The following SPMAP2 variants were observed in gnomAD, a reference collection of about 807,000 sequenced individuals.
The protein encoded by SPMAP2 is Theg homolog.
At chr19:372,966 G>A in the SPMAP2 span, among the ~76,000 whole-genome samples, 760 of 152,310 alleles carry the variant, frequency 5.0e-3, 5 homozygotes, top group African/African-American at 0.017. Flanking sequence ...GCCCAGCACC[G>A]TGGCTCCTCA....
chr19:371,166 C>T, the SPMAP2 span: 2 of 1,271,620 alleles, frequency 1.6e-6, no homozygotes, highest in South Asian at 1.8e-5. Context: ...TCCCAGCCCG[C>T]CTGGCGGGGG....
At chr19:362,093 C>T in the SPMAP2 span, 5 of 737,290 alleles carry the variant, frequency 6.8e-6, no homozygotes, top group Non-Finnish European at 1.0e-5. Flanking sequence ...CCTCCTCATC[C>T]TTCTTTTGGC....
the SPMAP2 span, chr19:362,454 A>T: frequency 6.5e-7 from 1 of 1,542,562 alleles, no homozygotes. Context: ...GAAGGACAGC[A>T]CTGAAGCTCA....
the SPMAP2 span, among the ~76,000 whole-genome samples, chr19:369,431 G>C: frequency 6.6e-5 from 10 of 152,092 alleles, no homozygotes; most frequent in South Asian, 2.1e-3. Flanking sequence ...AGGCCACGAC[G>C]GGGCACACCA....
the SPMAP2 span, chr19:362,186 T>G: frequency 6.8e-6 from 10 of 1,462,932 alleles, no homozygotes; most frequent in African/African-American, 1.4e-4. Context: ...GGGTGTTTAC[T>G]GGGAGCGGAG....
chr19:371,187 G>T, the SPMAP2 span: 1 of 1,392,638 alleles, frequency 7.2e-7, no homozygotes, highest in South Asian at 1.7e-5. Flanking sequence ...TGAGTCGCGG[G>T]GGGCACGGGG....
chr19:370,770 C>A, the SPMAP2 span, among the ~76,000 whole-genome samples: 1 of 152,202 alleles, frequency 6.6e-6, no homozygotes, highest in South Asian at 2.1e-4. Flanking sequence ...AAACTACCGA[C>A]GCACGCGAGA....
chr19:367,145 G>T, the SPMAP2 span: 1 of 1,612,734 alleles, frequency 6.2e-7, no homozygotes, highest in Non-Finnish European at 8.5e-7. Context: ...CAAGAGGGTG[G>T]CTGGGGCCTT....
At chr19:370,411 G>A in the SPMAP2 span, among the ~76,000 whole-genome samples, 64 of 151,210 alleles carry the variant, frequency 4.2e-4, no homozygotes, top group African/African-American at 1.4e-3. Context: ...GCGCGATCTC[G>A]GCTCACTGCA....
At chr19:364,109 G>A in the SPMAP2 span, among the ~76,000 whole-genome samples, 41 of 151,114 alleles carry the variant, frequency 2.7e-4, no homozygotes, top group Admixed American at 1.1e-3. Flanking sequence ...CGAGGCGGGC[G>A]GATCACAAGG....
At chr19:363,367 ATTT>A in the SPMAP2 span, among the ~76,000 whole-genome samples, 1 of 150,692 alleles carries the variant, frequency 6.6e-6, no homozygotes, top group Non-Finnish European at 1.5e-5. Flanking sequence ...TAATCTTTCT[ATTT>A]TCAGCAGAGA....
chr19:367,292 A>ACCCC, the SPMAP2 span: 7 of 1,445,948 alleles, frequency 4.8e-6, no homozygotes, highest in Non-Finnish European at 6.5e-6. Flanking sequence ...CCTGGAGCTG[A>ACCCC]AGGACCCCAG....
chr19:375,593 C>T, the SPMAP2 span: 1 of 1,421,646 alleles, frequency 7.0e-7, no homozygotes, highest in Non-Finnish European at 9.4e-7. Flanking sequence ...GGGGCTGCTG[C>T]CCTCCCCCCA....
the SPMAP2 span, among the ~76,000 whole-genome samples, chr19:369,880 C>G: frequency 6.6e-6 from 1 of 152,240 alleles, no homozygotes; most frequent in Non-Finnish European, 1.5e-5. Flanking sequence ...GGAATATCAT[C>G]AGTTAAGGCT....
the SPMAP2 span, among the ~76,000 whole-genome samples, chr19:364,115 C>A: frequency 2.7e-5 from 4 of 150,896 alleles, no homozygotes; most frequent in Non-Finnish European, 3.0e-5. Context: ...GGGCGGATCA[C>A]AAGGTCAGGA....
At chr19:372,235 A>G in the SPMAP2 span, among the ~76,000 whole-genome samples, 1 of 152,282 alleles carries the variant, frequency 6.6e-6, no homozygotes, top group Non-Finnish European at 1.5e-5. Flanking sequence ...TAACAAGCAC[A>G]GGGGCTGTAA....
the SPMAP2 span, chr19:367,156 C>T: frequency 1.9e-5 from 31 of 1,611,768 alleles, no homozygotes; most frequent in Middle Eastern, 6.6e-4. Flanking sequence ...CTGGGGCCTT[C>T]GGCTTTGACA....
the SPMAP2 span, among the ~76,000 whole-genome samples, chr19:366,324 T>C: frequency 6.6e-6 from 1 of 152,168 alleles, no homozygotes; most frequent in Non-Finnish European, 1.5e-5. Flanking sequence ...ATGTTCATAC[T>C]CAACGTGTGT....
chr19:371,036 C>A, the SPMAP2 span, among the ~76,000 whole-genome samples: 1 of 152,160 alleles, frequency 6.6e-6, no homozygotes. Flanking sequence ...GACCCCTGGG[C>A]GGCTCTGAAG....
Sources: gnomAD v4.1 joint callset for allele counts (sites outside exome capture counted in the v4.1 genomes callset) on GRCh38, gnomAD v4.1.1 for gene constraint, MANE v1.5 for transcripts, NCBI Gene and HGNC (gene_info 2026-07-23, HGNC 2026-07-21) for gene names.